Variants in CCDC167 observed in about 807,000 individuals in gnomAD.
CCDC167 encodes coiled-coil domain-containing protein 167.
A neutral mutation model predicts 12.7 loss-of-function variants in CCDC167; 15 were observed. That is an observed-to-expected ratio of 1.18 (90% CI 0.79 to 1.81). The LOEUF is 1.81. Among genes scored for constraint, CCDC167 ranks in the 40% most tolerant of loss-of-function variants. The pLI, the probability that CCDC167 is intolerant of heterozygous loss-of-function variation, is 0.00. For synonymous variants in CCDC167, 52 were observed against 49.0 expected (o/e 1.06, Z -0.26); for missense variants, 121 against 120.1 (o/e 1.01, Z -0.03).
At chr6:37,487,803 T>G (rs1761967483) in intron 1 of CCDC167, among the ~76,000 whole-genome samples, 3 of 152,252 alleles carry the variant, frequency 2.0e-5, no homozygotes, top group Non-Finnish European at 4.4e-5. Flanking sequence ...CGGGGGCCTT[T>G]ATCTGAACAA....
chr6:37,487,504 C>T (rs1445576720), intron 1 of CCDC167, among the ~76,000 whole-genome samples: 2 of 152,182 alleles, frequency 1.3e-5, no homozygotes, highest in East Asian at 1.9e-4. Flanking sequence ...ATAAATTGTA[C>T]GCTTTGCAGA....
chr6:37,499,238 C>T (rs1762135591), intron 1 of CCDC167, among the ~76,000 whole-genome samples: 1 of 152,100 alleles, frequency 6.6e-6, no homozygotes, highest in South Asian at 2.1e-4. Context: ...TTTTCTTTCC[C>T]TTCTATATGC....
At chr6:37,491,903 G>A (rs985690198) in intron 1 of CCDC167, among the ~76,000 whole-genome samples, 2 of 152,160 alleles carry the variant, frequency 1.3e-5, no homozygotes, top group African/African-American at 4.8e-5. Flanking sequence ...CATTAAGTCC[G>A]GGAGCTGGGC....
intron 1 of CCDC167, among the ~76,000 whole-genome samples, chr6:37,498,073 C>T (rs763293251): frequency 6.6e-6 from 1 of 152,144 alleles, no homozygotes; most frequent in Non-Finnish European, 1.5e-5. Flanking sequence ...CACAAAAGCA[C>T]TGTGAGTACT....
At chr6:37,486,743 C>T (rs1369909792) in intron 1 of CCDC167, among the ~76,000 whole-genome samples, 1 of 152,206 alleles carries the variant, frequency 6.6e-6, no homozygotes, top group Non-Finnish European at 1.5e-5. Context: ...ATGGGGCTGT[C>T]CCTGGGGAGG....
At chr6:37,494,967 T>C (rs961837119) in intron 1 of CCDC167, among the ~76,000 whole-genome samples, 3 of 151,892 alleles carry the variant, frequency 2.0e-5, no homozygotes. Context: ...TCCTGGCTAA[T>C]TTTTGTATTT....
chr6:37,485,647 C>T lies in CCDC167; in HGVS notation c.43-453G>A, dbSNP rs116715505. 7.3e-3 allele frequency among the ~76,000 whole-genome samples: 1,112 copies of T among 152,354 alleles called. 12 individuals carry two copies. The highest frequency in any genetic ancestry group is 0.024 in the African/African-American group (1,018 of 41,580). On this transcript the variant is annotated intron_variant, in intron 1 of 3. Transcript: ENST00000373408. The stretch of plus-strand genomic sequence containing the variant: ...TGCTGTGAAGAAACTGGCTTCCAAA[C>T]ACTCCACACGTGTGGGGCCGGGTGA...
At chr6:37,494,486 T>C (rs1762072162) in intron 1 of CCDC167, among the ~76,000 whole-genome samples, 2 of 152,204 alleles carry the variant, frequency 1.3e-5, no homozygotes, top group Non-Finnish European at 2.9e-5. Flanking sequence ...CCCTGCTCCT[T>C]TGCCCACCTC....
At chr6:37,494,385 A>G (rs947775213) in intron 1 of CCDC167, among the ~76,000 whole-genome samples, 9 of 152,122 alleles carry the variant, frequency 5.9e-5, no homozygotes, top group Admixed American at 1.3e-4. Context: ...TTTTTCTGGT[A>G]AGGATTCCAG....
intron 3 of CCDC167, among the ~76,000 whole-genome samples, chr6:37,483,533 G>A (rs949239621): frequency 6.6e-6 from 1 of 152,250 alleles, no homozygotes; most frequent in Non-Finnish European, 1.5e-5. Flanking sequence ...TTTAAATGTG[G>A]TTGAGGTTGA....
At chr6:37,485,586 C>T (rs766732846) in intron 1 of CCDC167, among the ~76,000 whole-genome samples, 19 of 152,244 alleles carry the variant, frequency 1.2e-4, no homozygotes, top group Non-Finnish European at 2.2e-4. Flanking sequence ...ACACGGCATG[C>T]ACCTGCCCCA....
intron 1 of CCDC167, among the ~76,000 whole-genome samples, chr6:37,494,754 C>T (rs76974381): frequency 0.015 from 2,317 of 151,564 alleles, 54 homozygotes; most frequent in African/African-American, 0.053. Flanking sequence ...GAAATACCAA[C>T]TCTGACATAG....
intron 1 of CCDC167, among the ~76,000 whole-genome samples, chr6:37,494,566 C>CA (rs1762073356): frequency 6.6e-6 from 1 of 152,200 alleles, no homozygotes; most frequent in Non-Finnish European, 1.5e-5. Context: ...GCTCATGACC[C>CA]AGTTCTGGCC....
chr6:37,499,187 A>G (rs1762134776), intron 1 of CCDC167, among the ~76,000 whole-genome samples: 2 of 152,174 alleles, frequency 1.3e-5, no homozygotes, highest in South Asian at 4.1e-4. Context: ...AGGATTAACA[A>G]TGCAATGAAA....
intron 1 of CCDC167, among the ~76,000 whole-genome samples, chr6:37,492,966 G>A (rs549374056): frequency 2.0e-5 from 3 of 152,330 alleles, no homozygotes; most frequent in Admixed American, 2.0e-4. Context: ...GCGGCTCACA[G>A]AGCTCTGTGG....
chr6:37,487,250 G>A (rs915221974), intron 1 of CCDC167, among the ~76,000 whole-genome samples: 5 of 152,264 alleles, frequency 3.3e-5, no homozygotes, highest in Non-Finnish European at 5.9e-5. Context: ...GCAGAGGCCC[G>A]AGTCTAAAGC....
intron 1 of CCDC167, among the ~76,000 whole-genome samples, chr6:37,496,781 C>T (rs1762103155): frequency 6.6e-6 from 1 of 152,254 alleles, no homozygotes; most frequent in South Asian, 2.1e-4. Flanking sequence ...ACACTGGTCT[C>T]TTCCTCCATA....
chr6:37,496,061 G>A (rs970832131), intron 1 of CCDC167, among the ~76,000 whole-genome samples: 5 of 152,170 alleles, frequency 3.3e-5, no homozygotes, highest in Non-Finnish European at 5.9e-5. Context: ...AACATCTACC[G>A]TGGTATGGAG....
intron 1 of CCDC167, among the ~76,000 whole-genome samples, chr6:37,495,378 A>G (rs1373610082): frequency 6.6e-6 from 1 of 152,238 alleles, no homozygotes; most frequent in East Asian, 1.9e-4. Flanking sequence ...ACCATCAGAG[A>G]TCCGAAAACA....
Sources: gnomAD v4.1 joint callset for allele counts (sites outside exome capture counted in the v4.1 genomes callset) on GRCh38, gnomAD v4.1.1 for gene constraint, MANE v1.5 for transcripts, NCBI Gene and HGNC (gene_info 2026-07-23, HGNC 2026-07-21) for gene names.